SNX29: variants seen among roughly 807,000 people sequenced by gnomAD.
The protein encoded by SNX29 is sorting nexin 29, also known as sorting nexin-29.
Under a neutral mutation model 102.1 loss-of-function variants are expected in SNX29, and 78 were observed. The observed-to-expected ratio is 0.76, with a 90% confidence interval of 0.64 to 0.92. SNX29 has a LOEUF of 0.92. Ranked by LOEUF, SNX29 falls within the 40% of genes least tolerant of loss-of-function variation. The pLI, the probability that SNX29 is intolerant of heterozygous loss-of-function variation, is 0.00. For synonymous variants in SNX29, 580 were observed against 414.5 expected (o/e 1.40, Z -4.85); for missense variants, 1,280 against 1,061.7 (o/e 1.21, Z -2.86).
intron 15 of SNX29, among the ~76,000 whole-genome samples, chr16:12,299,195 G>C (rs1036868874): frequency 1.3e-5 from 2 of 152,050 alleles, no homozygotes; most frequent in Non-Finnish European, 2.9e-5. Flanking sequence ...AGCTACTGAG[G>C]AGGCTGAGGC....
At chr16:12,299,083 T>A (rs2080075545) in intron 15 of SNX29, among the ~76,000 whole-genome samples, 1 of 151,932 alleles carries the variant, frequency 6.6e-6, no homozygotes, top group South Asian at 2.1e-4. Context: ...GTGAATCACT[T>A]GAGGTCAGGA....
chr16:12,560,277 G>A (rs898523712), intron 20 of SNX29, among the ~76,000 whole-genome samples: 1 of 152,052 alleles, frequency 6.6e-6, no homozygotes, highest in Admixed American at 6.6e-5. Flanking sequence ...CAGCAGCAAT[G>A]TCACAGTGTT....
At chr16:12,000,907 G>A (rs113583109) in intron 2 of SNX29, among the ~76,000 whole-genome samples, 1,637 of 152,270 alleles carry the variant, frequency 0.011, 34 homozygotes, top group African/African-American at 0.037. Flanking sequence ...ATCTGTGTAT[G>A]GCTGCTGAGG....
intron 7 of SNX29, among the ~76,000 whole-genome samples, chr16:12,050,687 A>G (rs910775680): frequency 9.2e-5 from 14 of 151,688 alleles, no homozygotes; most frequent in Non-Finnish European, 1.6e-4. Flanking sequence ...ACACCTAGCT[A>G]CTAGAACTCA....
At chr16:12,461,981 ATATAT>A (rs1389308575) in intron 18 of SNX29, among the ~76,000 whole-genome samples, 767 of 40,214 alleles carry the variant, frequency 0.019, 17 homozygotes, top group Middle Eastern at 0.041. Flanking sequence ...AAAAAAAAAT[ATATAT>A]ATATATATAT....
At chr16:12,008,825 TC>T (rs1323072283) in intron 3 of SNX29, among the ~76,000 whole-genome samples, 1 of 149,934 alleles carries the variant, frequency 6.7e-6, no homozygotes, top group Non-Finnish European at 1.5e-5. Context: ...CACTGCAACC[TC>T]CACCTCCCGG....
At chr16:12,311,112 C>G (rs2080526471) in intron 15 of SNX29, among the ~76,000 whole-genome samples, 1 of 152,162 alleles carries the variant, frequency 6.6e-6, no homozygotes, top group African/African-American at 2.4e-5. Context: ...TCCTAATCAA[C>G]TCGATAGGGC....
At position 12,398,499 on chromosome 16, in the gene SNX29, A is replaced by T; in HGVS notation, c.1953A>T (p.Glu651Asp). Reference sequence around the variant, plus strand: ...AAGACCAGAGTTTGTCGGATTTTGAAATGTAAGTCCACAGCCTGTGCTCAC... The same window carrying T: ...AAGACCAGAGTTTGTCGGATTTTGATATGTAAGTCCACAGCCTGTGCTCAC... The part of the protein sequence containing the change: ...TSEDQSLSDF[E>D]ISNRALINVW... The change falls in exon 17 of 21, where the codon GAA becomes GAT. Residue 651 changes from glutamate to aspartate, a missense_variant and splice_region_variant. Transcript: ENST00000566228. The T allele has an allele frequency of 1.2e-6, 2 of 1,613,958 alleles. No individual in the cohort carries two copies. Among genetic ancestry groups the T allele is most frequent in the East Asian group, 2.2e-5 (1 of 44,884 alleles).
intron 20 of SNX29, among the ~76,000 whole-genome samples, chr16:12,561,351 A>C (rs1479019739): frequency 2.6e-5 from 4 of 152,076 alleles, no homozygotes; most frequent in Non-Finnish European, 4.4e-5. Context: ...AGACTCACAG[A>C]CTTATGAGGG....
chr16:12,259,131 G>C (rs2078658892), intron 14 of SNX29, among the ~76,000 whole-genome samples: 1 of 152,130 alleles, frequency 6.6e-6, no homozygotes, highest in Admixed American at 6.5e-5. Context: ...AGATTTTCCG[G>C]GAAGTTGTCT....
intron 13 of SNX29, among the ~76,000 whole-genome samples, chr16:12,172,078 T>C (rs928781493): frequency 6.6e-6 from 1 of 152,226 alleles, no homozygotes. Flanking sequence ...GAGTCTTTAT[T>C]CTGGAAGTGT....
Position 12,121,963 on chromosome 16 carries a change from G to A in SNX29, c.1403-4670G>A, listed in dbSNP as rs543686078. Among the ~76,000 whole-genome samples the A allele has an allele frequency of 6.6e-5, 10 of 152,166 alleles. No individual in the cohort carries two copies. The East Asian group carries it at 9.7e-4, about 15-fold the overall frequency. On this transcript the variant is annotated intron_variant, in intron 11 of 20. Transcript: ENST00000566228. ...CCCGAGTACCCAGGACTACAGGCAC[G>A]CACCATCACGCCTGGCTAATTTTTG...
intron 19 of SNX29, among the ~76,000 whole-genome samples, chr16:12,517,035 T>C (rs2089896026): frequency 6.6e-6 from 1 of 152,044 alleles, no homozygotes; most frequent in Admixed American, 6.6e-5. Flanking sequence ...TTGTCTCGAG[T>C]GTTCTTTTTG....
chr16:12,358,515 TCTC>T (rs1159633355), intron 16 of SNX29, among the ~76,000 whole-genome samples: 10 of 152,248 alleles, frequency 6.6e-5, no homozygotes, highest in Admixed American at 5.2e-4. Flanking sequence ...TCTCTGACCT[TCTC>T]CTGCTCTCTT....
intron 4 of SNX29, among the ~76,000 whole-genome samples, chr16:12,041,811 A>G (rs183248863): frequency 2.4e-4 from 37 of 152,306 alleles, no homozygotes; most frequent in South Asian, 1.9e-3. Flanking sequence ...CTCTTTTACT[A>G]TATAAGGTAA....
chr16:12,181,435 C>A (rs1366108559), intron 13 of SNX29, among the ~76,000 whole-genome samples: 1 of 152,182 alleles, frequency 6.6e-6, no homozygotes, highest in South Asian at 2.1e-4. Flanking sequence ...CAAATAGTTG[C>A]ATTCTTTTGA....
At chr16:12,149,022 A>C (rs1364106364) in intron 13 of SNX29, among the ~76,000 whole-genome samples, 2 of 152,160 alleles carry the variant, frequency 1.3e-5, no homozygotes, top group African/African-American at 4.8e-5. Flanking sequence ...TCATTAGTTC[A>C]CCGATAGATC....
At chr16:12,159,004 C>G (rs921592788) in intron 13 of SNX29, among the ~76,000 whole-genome samples, 1 of 152,190 alleles carries the variant, frequency 6.6e-6, no homozygotes, top group East Asian at 1.9e-4. Context: ...ACACACCTGC[C>G]TGTTAGTTTT....
intron 13 of SNX29, among the ~76,000 whole-genome samples, chr16:12,156,932 C>A (rs2055577323): frequency 1.3e-5 from 2 of 152,138 alleles, no homozygotes; most frequent in African/African-American, 2.4e-5. Flanking sequence ...TGCCGGGTGG[C>A]TGGGCAGGGA....
Sources: gnomAD v4.1 joint callset for allele counts (sites outside exome capture counted in the v4.1 genomes callset) on GRCh38, gnomAD v4.1.1 for gene constraint, MANE v1.5 for transcripts, NCBI Gene and HGNC (gene_info 2026-07-23, HGNC 2026-07-21) for gene names.